NPC1: variants seen among roughly 807,000 people sequenced by gnomAD.
NPC1 encodes the protein NPC intracellular cholesterol transporter 1.
A neutral mutation model predicts 140.4 loss-of-function variants in NPC1; 85 were observed. That is an observed-to-expected ratio of 0.61 (90% CI 0.51 to 0.72). The LOEUF (loss-of-function observed/expected upper bound fraction) is 0.72, where lower values mean the gene tolerates loss of function less well. NPC1 is among the 30% of genes least tolerant of loss of function. NPC1 has a pLI of 0.00. For synonymous variants in NPC1, 656 were observed against 624.8 expected (o/e 1.05, Z -0.74); for missense variants, 1,504 against 1,623.8 (o/e 0.93, Z 1.27).
At chr18:23,558,483 C>G (rs1385643663) in intron 6 of NPC1, among the ~76,000 whole-genome samples, 3 of 152,024 alleles carry the variant, frequency 2.0e-5, no homozygotes, top group Admixed American at 2.0e-4. Context: ...GAAGGACATG[C>G]TACAAAATAC....
chr18:23,537,604 A>G, intron 20 of NPC1, among the ~76,000 whole-genome samples: 1 of 152,164 alleles, frequency 6.6e-6, no homozygotes, highest in Non-Finnish European at 1.5e-5. Context: ...GTAAATGGGT[A>G]TACCACCACC....
chr18:23,552,029 C>T (rs532850932), intron 9 of NPC1, among the ~76,000 whole-genome samples: 1 of 152,286 alleles, frequency 6.6e-6, no homozygotes, highest in East Asian at 1.9e-4. Flanking sequence ...AGAGACTGTA[C>T]AGACCCAGAG....
downstream of NPC1, chr18:23,529,786 G>A: frequency 7.1e-7 from 1 of 1,411,564 alleles, no homozygotes; most frequent in Non-Finnish European, 1.0e-6. Flanking sequence ...TGTCTTAGAA[G>A]ATGACTCATA....
chr18:23,563,266 A>G (rs577678527), intron 4 of NPC1, among the ~76,000 whole-genome samples: 148 of 152,236 alleles, frequency 9.7e-4, no homozygotes, highest in Non-Finnish European at 1.5e-3. Flanking sequence ...GTTTATCCAT[A>G]TATCAGGTGA....
At chr18:23,527,286 C>T (rs1413875675), downstream of NPC1, among the ~76,000 whole-genome samples, 1 of 150,712 alleles carries the variant, frequency 6.6e-6, no homozygotes, top group Non-Finnish European at 1.5e-5. Flanking sequence ...GTGGCCCCAG[C>T]TACTCCAGAG....
Position 23,570,365 on chromosome 18 carries a change from C to T in NPC1, c.288-1367G>A, listed in dbSNP as rs530640609. 3.5e-4 allele frequency among the ~76,000 whole-genome samples: 53 copies of T among 152,300 alleles called. No homozygotes were observed. The South Asian group carries it at 8.7e-3, about 25-fold the overall frequency. On this transcript the variant is annotated intron_variant, in intron 3 of 24. Coordinates refer to ENST00000269228, the MANE Select transcript of NPC1 (RefSeq NM_000271.5). ...CCGTATGTCCATAATGCCTCACCTA[C>T]GGTGGATCCTAAATAAATGTGTTTT...
chr18:23,520,905 A>G (rs1333345730), downstream of NPC1, among the ~76,000 whole-genome samples: 2 of 152,192 alleles, frequency 1.3e-5, no homozygotes, highest in African/African-American at 4.8e-5. Flanking sequence ...TTTAGTAGAG[A>G]TGGGGTTTCA....
chr18:23,540,985 T>TC lies in NPC1; in HGVS notation c.2514+82dup, dbSNP rs1255733391. The stretch of plus-strand genomic sequence containing the variant: ...ATTTTAACAGCTTTAAGAATCTCCT[T>TC]CCCAGGCTGTCTGGCTTCTTAGAAG... On this transcript the variant is annotated intron_variant, in intron 16 of 24. Coordinates refer to ENST00000269228, the MANE Select transcript of NPC1 (RefSeq NM_000271.5). 1.0e-5 allele frequency: 15 copies of TC among 1,475,654 alleles called. No homozygotes were observed. In the Admixed American group the frequency reaches 2.5e-4, roughly 25 times the overall value. 91.4% of individuals were successfully genotyped at this position (1,475,654 alleles called of 1,614,324 possible).
At chr18:23,526,562 G>A (rs2058303557), downstream of NPC1, 2 of 1,565,208 alleles carry the variant, frequency 1.3e-6, no homozygotes, top group African/African-American at 1.4e-5. Context: ...CCCCGCAGAT[G>A]TTTAGGGGAA....
At chr18:23,557,271 G>T in intron 6 of NPC1, 81 bp from the exon 7 acceptor site, 2 of 1,053,460 alleles carry the variant, frequency 1.9e-6, no homozygotes, top group Non-Finnish European at 2.9e-6. Flanking sequence ...GTAATCCCAT[G>T]AAATGCTTTC....
At position 23,533,446 on chromosome 18, in the gene NPC1, G is replaced by C; in HGVS notation, c.3663C>G (p.Phe1221Leu). The C allele has an allele frequency of 1.2e-6, 2 of 1,614,198 alleles. No homozygotes were observed. The highest frequency in any genetic ancestry group is 1.7e-6 in the Non-Finnish European group (2 of 1,180,022). Residue 1221 changes from phenylalanine (F) to leucine (L), a missense_variant, in exon 24 of 25, where the codon TTC (phenylalanine) becomes TTG (leucine). By Grantham distance (22) the Phe-to-Leu change is conservative. Transcript: ENST00000269228. ...AATACATCCTGAAGTAGAATATCTG[G>C]AAAATTTGAGATTTGGCAAAAGCCA... ...VVLAFAKSQI[F>L]QIFYFRMYLA...
At chr18:23,560,611 TTA>T in intron 5 of NPC1, 131 bp from the exon 6 acceptor site, 1 of 1,000,340 alleles carries the variant, frequency 1.0e-6, no homozygotes, top group Non-Finnish European at 1.5e-6. Flanking sequence ...ATTGGAGGTT[TTA>T]GTTTAATTAA....
At chr18:23,557,507 G>A (rs1408220834) in intron 6 of NPC1, among the ~76,000 whole-genome samples, 4 of 152,216 alleles carry the variant, frequency 2.6e-5, no homozygotes, top group Non-Finnish European at 5.9e-5. Context: ...TGTAAACCCA[G>A]CACTTTGGGA....
At chr18:23,561,820 C>G (rs536942982) in intron 4 of NPC1, among the ~76,000 whole-genome samples, 1 of 152,162 alleles carries the variant, frequency 6.6e-6, no homozygotes, top group Non-Finnish European at 1.5e-5. Context: ...GAAGTCAAAT[C>G]CCCACTATAT....
At chr18:23,546,580 C>A (rs1353258724) in intron 11 of NPC1, among the ~76,000 whole-genome samples, 2 of 152,130 alleles carry the variant, frequency 1.3e-5, no homozygotes, top group African/African-American at 4.8e-5. Context: ...TTCATAGCAG[C>A]ATTATTCATA....
chr18:23,561,318 ACAATAT>A (rs2059034551), intron 5 of NPC1, 36 bp downstream of exon 5: 2 of 1,610,242 alleles, frequency 1.2e-6, no homozygotes, highest in East Asian at 4.5e-5. Context: ...TGGCTTTAAA[ACAATAT>A]CATAAACACA....
intron 3 of NPC1, 29 bp from the exon 4 acceptor site, chr18:23,569,027 T>C: frequency 6.5e-7 from 1 of 1,528,456 alleles, no homozygotes; most frequent in South Asian, 1.1e-5. Context: ...ATATTCTGCA[T>C]GATCTCACAC....
In NPC1 at chr18:23,539,327, A is replaced by G. The variant is rs6507720; in HGVS notation, c.2911+28T>C. On this transcript the variant is annotated intron_variant, in intron 19 of 24. Transcript: ENST00000269228. ...TAATTTGAAAATTTTTCAGCAAAAC[A>G]GGAAAGATTTGGTAAAGGAGAAGGT... The G allele has an allele frequency of 0.5, 768,755 of 1,523,196 alleles. 198,353 individuals carry two copies. Among genetic ancestry groups the G allele is most frequent in the African/African-American group, 0.7 (51,519 of 73,266 alleles). The allele number at this position is 1,523,196 out of a possible 1,614,324, so 94.4% of individuals were successfully genotyped here.
chr18:23,551,848 G>T (rs2058877869), intron 9 of NPC1, 121 bp from the exon 10 acceptor site: 1 of 773,444 alleles, frequency 1.3e-6, no homozygotes, highest in African/African-American at 1.7e-5. Context: ...CATGGGCCCT[G>T]AGGTTTCTCA....
Sources: gnomAD v4.1 joint callset for allele counts (sites outside exome capture counted in the v4.1 genomes callset) on GRCh38, gnomAD v4.1.1 for gene constraint, MANE v1.5 for transcripts, NCBI Gene and HGNC (gene_info 2026-07-23, HGNC 2026-07-21) for gene names.